The following SAXO4 variants were observed in gnomAD, a reference collection of about 807,000 sequenced individuals.
The protein encoded by SAXO4 is stabilizer of axonemal microtubules 4.
At chr11:61,484,324 A>G in the SAXO4 span, among the ~76,000 whole-genome samples, 166 of 152,268 alleles carry the variant, frequency 1.1e-3, no homozygotes, top group Non-Finnish European at 1.3e-3. Context: ...CTTGCTATGG[A>G]GACACTGGAC....
chr11:61,486,473 G>T, the SAXO4 span: 5 of 1,613,016 alleles, frequency 3.1e-6, no homozygotes, highest in South Asian at 1.1e-5. Flanking sequence ...CTGGAAGGTG[G>T]TGGGGGAGGC....
the SAXO4 span, chr11:61,482,753 A>G: frequency 1.2e-6 from 2 of 1,613,760 alleles, no homozygotes; most frequent in Admixed American, 1.7e-5. Flanking sequence ...AGCATGCGCC[A>G]GACCAGCTCA....
At chr11:61,485,549 TC>T in the SAXO4 span, 1 of 798,898 alleles carries the variant, frequency 1.3e-6, no homozygotes, top group Non-Finnish European at 2.0e-6. Flanking sequence ...GAAGCGCCTC[TC>T]CCGGGCTGAC....
At chr11:61,484,720 C>A in the SAXO4 span, 1 of 1,613,722 alleles carries the variant, frequency 6.2e-7, no homozygotes, top group Non-Finnish European at 8.5e-7. Flanking sequence ...CCCAGGAGCA[C>A]GGGCCTCAGG....
chr11:61,486,227 G>A, the SAXO4 span: 12 of 1,070,024 alleles, frequency 1.1e-5, no homozygotes, highest in South Asian at 1.3e-4. Context: ...ATGCCCATTT[G>A]AGCTGAGTCC....
the SAXO4 span, chr11:61,486,873 C>A: frequency 8.0e-7 from 1 of 1,254,378 alleles, no homozygotes; most frequent in Non-Finnish European, 1.2e-6. Context: ...TGTGCCTCTG[C>A]CTGCTCCCCT....
At chr11:61,487,128 T>C in the SAXO4 span, 1 of 1,613,346 alleles carries the variant, frequency 6.2e-7, no homozygotes, top group Non-Finnish European at 8.5e-7. Flanking sequence ...AATTCCCCTG[T>C]CTACCCCTCT....
chr11:61,486,386 C>A, the SAXO4 span: 19 of 1,614,060 alleles, frequency 1.2e-5, no homozygotes, highest in Non-Finnish European at 1.5e-5. Context: ...AGACTTCCTC[C>A]CCAAGACTCA....
At chr11:61,482,947 T>C in the SAXO4 span, 1 of 877,874 alleles carries the variant, frequency 1.1e-6, no homozygotes, top group Admixed American at 3.2e-5. Context: ...CTCATCTTTC[T>C]CCCCTTTGTC....
At chr11:61,485,386 C>T in the SAXO4 span, 2 of 1,613,994 alleles carry the variant, frequency 1.2e-6, no homozygotes, top group East Asian at 2.2e-5. Context: ...TCTCAGGGAC[C>T]CTCTAGACCA....
the SAXO4 span, chr11:61,484,771 C>T: frequency 6.2e-7 from 1 of 1,611,792 alleles, no homozygotes; most frequent in Non-Finnish European, 8.5e-7. Context: ...CTCTGCTCCA[C>T]CAGCAGCAGG....
chr11:61,487,178 G>A, the SAXO4 span: 2 of 1,613,970 alleles, frequency 1.2e-6, no homozygotes, highest in East Asian at 4.5e-5. Context: ...ACAACCCCAT[G>A]TATGTCCGGA....
the SAXO4 span, chr11:61,490,913 A>T: frequency 3.0e-6 from 1 of 338,876 alleles, no homozygotes; most frequent in Non-Finnish European, 5.5e-6. Flanking sequence ...AATGAAATAA[A>T]GAGCATTGAA....
chr11:61,485,129 G>C, the SAXO4 span, among the ~76,000 whole-genome samples: 2 of 152,102 alleles, frequency 1.3e-5, no homozygotes, highest in Non-Finnish European at 2.9e-5. Flanking sequence ...GTGTGACGTG[G>C]TATTCATAGT....
the SAXO4 span, chr11:61,484,551 G>A: frequency 9.1e-7 from 1 of 1,101,516 alleles, no homozygotes. Context: ...AGCAGAGAGG[G>A]GACATGCAGG....
chr11:61,483,230 G>A, the SAXO4 span, among the ~76,000 whole-genome samples: 14 of 141,206 alleles, frequency 9.9e-5, no homozygotes, highest in Admixed American at 3.1e-4. Context: ...GCAGTGGCAC[G>A]ATCTCGGCTC....
At chr11:61,481,461 C>T in the SAXO4 span, among the ~76,000 whole-genome samples, 1 of 152,150 alleles carries the variant, frequency 6.6e-6, no homozygotes, top group African/African-American at 2.4e-5. Context: ...AGTAGTCAAA[C>T]ACCTAGGTCT....
At chr11:61,487,315 A>C in the SAXO4 span, 14 of 1,269,932 alleles carry the variant, frequency 1.1e-5, no homozygotes, top group Non-Finnish European at 1.3e-5. Context: ...TAATGAGCTC[A>C]CAGCCTCGTG....
chr11:61,485,853 A>G, the SAXO4 span: 1 of 1,613,922 alleles, frequency 6.2e-7, no homozygotes, highest in African/African-American at 1.3e-5. Flanking sequence ...TTCACCAAAC[A>G]GTCCCACCAG....
Sources: allele counts gnomAD v4.1 joint callset (sites outside exome capture counted in the v4.1 genomes callset), GRCh38; gene constraint gnomAD v4.1.1; transcripts MANE v1.5; gene names NCBI Gene and HGNC (gene_info 2026-07-23, HGNC 2026-07-21).